Variants in ANKS1B observed in about 807,000 individuals in gnomAD.
The protein encoded by ANKS1B is ankyrin repeat and sterile alpha motif domain containing 1B, also known as ankyrin repeat and sterile alpha motif domain-containing protein 1B.
ANKS1B carries 36 observed loss-of-function variants against 148.3 expected under a neutral mutation model. That is an observed-to-expected ratio of 0.24 (90% CI 0.19 to 0.32). The LOEUF (loss-of-function observed/expected upper bound fraction) is 0.32, where lower values mean the gene tolerates loss of function less well. Ranked by LOEUF, ANKS1B falls within the 10% of genes least tolerant of loss-of-function variation. The probability of loss-of-function intolerance (pLI) is 1.00; values close to 1 mark genes in which losing one functional copy is unlikely to be tolerated. For missense variants in ANKS1B, 1,157 were observed against 1,542.6 expected (o/e 0.75, Z 4.19); for synonymous variants, 542 against 560.8 (o/e 0.97, Z 0.47).
chr12:99,863,037 C>A (rs1271005927), intron 1 of ANKS1B, among the ~76,000 whole-genome samples: 1 of 152,182 alleles, frequency 6.6e-6, no homozygotes, highest in Non-Finnish European at 1.5e-5. Context: ...AGAGGCAATC[C>A]CAGTAAGGAA....
intron 17 of ANKS1B, among the ~76,000 whole-genome samples, chr12:98,864,117 G>A (rs999474680): frequency 2.0e-5 from 3 of 149,560 alleles, no homozygotes; most frequent in African/African-American, 7.4e-5. Context: ...CCTACAATAG[G>A]TGTCTGTGAT....
intron 2 of ANKS1B, among the ~76,000 whole-genome samples, chr12:99,818,939 A>G (rs1466555923): frequency 1.3e-5 from 2 of 151,830 alleles, no homozygotes; most frequent in Non-Finnish European, 3.0e-5. Context: ...GGGAAGAGTC[A>G]ACCTTCAAAT....
intron 17 of ANKS1B, among the ~76,000 whole-genome samples, chr12:98,990,097 T>C (rs1357602956): frequency 6.6e-6 from 1 of 152,142 alleles, no homozygotes; most frequent in Non-Finnish European, 1.5e-5. Flanking sequence ...ATGTATAGAT[T>C]GCTTTGGATA....
chr12:99,839,879 C>A (rs539802486), intron 1 of ANKS1B, among the ~76,000 whole-genome samples: 9 of 152,212 alleles, frequency 5.9e-5, no homozygotes, highest in Middle Eastern at 3.4e-3. Context: ...TACTATTCCA[C>A]ATGAAGTCTT....
intron 14 of ANKS1B, among the ~76,000 whole-genome samples, chr12:99,160,282 G>C (rs1355643697): frequency 6.6e-6 from 1 of 151,106 alleles, no homozygotes; most frequent in Non-Finnish European, 1.5e-5. Context: ...TGAGGATTTA[G>C]TCATAAATTC....
At chr12:98,891,553 T>C (rs182615487) in intron 17 of ANKS1B, among the ~76,000 whole-genome samples, 2 of 152,304 alleles carry the variant, frequency 1.3e-5, no homozygotes, top group Admixed American at 1.3e-4. Context: ...TCTGGAACAA[T>C]GCATTATTGA....
At chr12:99,963,115 T>G (rs371375842) in intron 1 of ANKS1B, among the ~76,000 whole-genome samples, 18 of 152,308 alleles carry the variant, frequency 1.2e-4, no homozygotes, top group South Asian at 8.3e-4. Context: ...GCCCGGCCGA[T>G]GTTGAGCTTT....
intron 9 of ANKS1B, among the ~76,000 whole-genome samples, chr12:99,652,994 G>A (rs897806358): frequency 1.3e-5 from 2 of 152,068 alleles, no homozygotes; most frequent in African/African-American, 2.4e-5. Flanking sequence ...TGATGCACTT[G>A]TACACATACA....
chr12:99,124,398 G>A (rs2063720858), intron 15 of ANKS1B, among the ~76,000 whole-genome samples: 1 of 144,042 alleles, frequency 6.9e-6, no homozygotes, highest in African/African-American at 2.6e-5. Flanking sequence ...ATAAAAGCAT[G>A]CACAAACTTA....
intron 12 of ANKS1B, among the ~76,000 whole-genome samples, chr12:99,372,376 C>T (rs536814053): frequency 1.3e-5 from 2 of 152,064 alleles, no homozygotes; most frequent in South Asian, 4.2e-4. Context: ...AATCAACTTG[C>T]ACCATACTGA....
chr12:99,296,468 C>T (rs1044998537), intron 12 of ANKS1B, among the ~76,000 whole-genome samples: 6 of 152,136 alleles, frequency 3.9e-5, no homozygotes, highest in Admixed American at 3.3e-4. Flanking sequence ...CTTCTTTTCT[C>T]TTTACAGGGA....
intron 17 of ANKS1B, among the ~76,000 whole-genome samples, chr12:98,908,079 C>T (rs1435832588): frequency 6.6e-6 from 1 of 152,136 alleles, no homozygotes; most frequent in Non-Finnish European, 1.5e-5. Flanking sequence ...CTGCATGAGT[C>T]TTTCACCCAT....
At chr12:99,001,903 T>C (rs2153369729) in intron 17 of ANKS1B, among the ~76,000 whole-genome samples, 1 of 152,362 alleles carries the variant, frequency 6.6e-6, no homozygotes, top group Non-Finnish European at 1.5e-5. Flanking sequence ...CAGACAGTAT[T>C]TATCTTTCTT....
intron 9 of ANKS1B, among the ~76,000 whole-genome samples, chr12:99,532,240 G>A (rs1806088680): frequency 6.6e-6 from 1 of 152,102 alleles, no homozygotes; most frequent in Admixed American, 6.5e-5. Flanking sequence ...ATTTGCTTTT[G>A]GGGTCTGTGC....
At chr12:99,571,338 T>A (rs144449858) in intron 9 of ANKS1B, among the ~76,000 whole-genome samples, 131 of 152,062 alleles carry the variant, frequency 8.6e-4, no homozygotes, top group Non-Finnish European at 1.7e-3. Context: ...TACACAAATA[T>A]AGCTATATCT....
rs977760405 is a variant in ANKS1B, at chr12:99,872,142, C to T, written c.135-46753G>A. Among the ~76,000 whole-genome samples, 6 of 152,108 alleles carry T rather than the reference C, an allele frequency of 3.9e-5. 1 individual carries two copies. Among genetic ancestry groups the T allele is most frequent in the Admixed American group, 3.3e-4 (5 of 15,266 alleles). ...CCAAATGTTTTGGATAAGAACTACT[C>T]ATGTATTTCCAGGCGGAGTATAAAT... is the stretch of plus-strand genomic sequence containing the variant. On this transcript the variant is annotated intron_variant, in intron 1 of 26. Transcript: ENST00000683438.
chr12:99,444,403 T>C (rs1405085591), intron 10 of ANKS1B, among the ~76,000 whole-genome samples: 1 of 152,004 alleles, frequency 6.6e-6, no homozygotes, highest in African/African-American at 2.4e-5. Flanking sequence ...TATAGCAACC[T>C]ATGTGGTCAA....
chr12:98,938,366 T>G (rs2099824238), intron 17 of ANKS1B, among the ~76,000 whole-genome samples: 1 of 152,196 alleles, frequency 6.6e-6, no homozygotes, highest in Non-Finnish European at 1.5e-5. Flanking sequence ...ACACTGGTTT[T>G]CAACCCCGGG....
At chr12:99,686,041 T>A (rs1258630717) in intron 8 of ANKS1B, among the ~76,000 whole-genome samples, 1 of 152,114 alleles carries the variant, frequency 6.6e-6, no homozygotes, top group East Asian at 1.9e-4. Flanking sequence ...ACTGTTTGGA[T>A]GATAGGTGCA....
Sources: allele counts gnomAD v4.1 joint callset (sites outside exome capture counted in the v4.1 genomes callset), GRCh38; gene constraint gnomAD v4.1.1; transcripts MANE v1.5; gene names NCBI Gene and HGNC (gene_info 2026-07-23, HGNC 2026-07-21).